Variants in AARS1 observed in about 807,000 individuals in gnomAD.
AARS1 encodes the protein alanine--tRNA ligase, cytoplasmic.
Under a neutral mutation model 108.9 loss-of-function variants are expected in AARS1, and 72 were observed. The observed-to-expected ratio is 0.66, with a 90% CI of 0.55 to 0.80. The LOEUF is 0.80. Among genes scored for constraint, AARS1 ranks in the 30% least tolerant of loss-of-function variants. The pLI is 0.00. For synonymous variants in AARS1, 489 were observed against 465.7 expected (o/e 1.05, Z -0.64); for missense variants, 1,193 against 1,233.2 (o/e 0.97, Z 0.49).
chr16:70,252,865 C>T lies in AARS1; in HGVS notation c.2763G>A (p.Gln921=). 1 of 1,614,144 alleles carries T rather than the reference C, an allele frequency of 6.2e-7. No individual in the cohort carries two copies. The highest frequency in any genetic ancestry group is 8.5e-7 in the Non-Finnish European group (1 of 1,179,970). ...NRGLKASEWV[Q]QVSGLMDGKG... ...TACCGTCCATCAAGCCTGACACCTG[C>T]TGCACCCACTCGCTGGCTTTTAAGC... Residue 921 remains glutamine (Q), a synonymous_variant, in exon 21 of 21, where the codon CAG becomes CAA. Coordinates refer to ENST00000261772, the MANE Select transcript of AARS1 (RefSeq NM_001605.3).
chr16:70,282,332 A>G (rs975782582), intron 2 of AARS1, among the ~76,000 whole-genome samples: 2 of 1,592 alleles, frequency 1.3e-3, no homozygotes, highest in African/African-American at 5.5e-3. Context: ...CCGTCTCAGG[A>G]AAAAAAAAAA....
chr16:70,255,622 A>T, intron 16 of AARS1, 106 bp downstream of exon 16: 2 of 1,044,498 alleles, frequency 1.9e-6, no homozygotes, highest in Non-Finnish European at 2.9e-6. Context: ...CTGTACTTTC[A>T]CTCTGACTGC....
intron 1 of AARS1, among the ~76,000 whole-genome samples, chr16:70,284,410 G>A (rs1368432886): frequency 6.6e-6 from 1 of 150,882 alleles, no homozygotes; most frequent in Non-Finnish European, 1.5e-5. Flanking sequence ...AGACTATCTT[G>A]GCTAACATGG....
chr16:70,260,958 G>C (rs368403429), intron 13 of AARS1, 86 bp downstream of exon 13: 137 of 1,088,272 alleles, frequency 1.3e-4, no homozygotes, highest in Non-Finnish European at 1.7e-4. Flanking sequence ...CACCACACCC[G>C]GCCCAACAGT....
intron 12 of AARS1, among the ~76,000 whole-genome samples, chr16:70,261,855 G>A (rs1555540407): frequency 6.6e-6 from 1 of 151,804 alleles, no homozygotes; most frequent in Non-Finnish European, 1.5e-5. Flanking sequence ...TGTCAGTAGA[G>A]ACAGGGTTTC....
chr16:70,258,670 A>G (rs1029778816), intron 14 of AARS1, among the ~76,000 whole-genome samples: 19 of 151,844 alleles, frequency 1.3e-4, no homozygotes, highest in African/African-American at 4.6e-4. Flanking sequence ...GGTTCACACC[A>G]TTCTCCTGCC....
At chr16:70,282,543 C>A (rs905911982) in intron 2 of AARS1, 77 bp downstream of exon 2, 2 of 1,571,908 alleles carry the variant, frequency 1.3e-6, no homozygotes, top group Non-Finnish European at 1.7e-6. Context: ...TCGGTCTGAC[C>A]CCAGGGCTGT....
rs369135192 is a variant in AARS1 at position 70,267,659 on chromosome 16, C to G, written c.1222G>C (p.Gly408Arg). The change falls in exon 9 of 21, where the codon GGA (glycine) becomes CGA (arginine). Residue 408 changes from glycine to arginine, a missense_variant and splice_region_variant. By Grantham distance (125) the Gly-to-Arg change is moderately radical. Transcript: ENST00000261772. ...GAGAAGGGCAAAAACTGGTACCTAC[C>G]GGGAATGGTCTTGCTGTCTCCCAGG... is the stretch of plus-strand genomic sequence containing the variant. ...QSLGDSKTIP[G>R]DTAWLLYDTY... 9 of 1,613,988 alleles carry G rather than the reference C, an allele frequency of 5.6e-6. No homozygotes were observed. The highest frequency in any genetic ancestry group is 1.7e-5 in the Admixed American group (1 of 59,978).
At position 70,253,803 on chromosome 16, in the gene AARS1, G is replaced by A. The variant is rs200586605; in HGVS notation, c.2521-3C>T. 2,821 of 1,614,154 alleles carry A rather than the reference G, an allele frequency of 1.7e-3. 4 individuals carry two copies. The highest frequency in any genetic ancestry group is 2.6e-3 in the Middle Eastern group (16 of 6,062). On this transcript the variant is annotated splice_region_variant and splice_polypyrimidine_tract_variant and intron_variant, in intron 18 of 20. Coordinates refer to ENST00000261772, the MANE Select transcript of AARS1 (RefSeq NM_001605.3). The stretch of plus-strand genomic sequence containing the variant: ...AACTGCTTCGTCTTCTCTAACACCT[G>A]CAAGAAAAAAGTCCAGAACAGCAGC...
At chr16:70,281,105 C>G (rs1960686001) in intron 2 of AARS1, among the ~76,000 whole-genome samples, 1 of 152,202 alleles carries the variant, frequency 6.6e-6, no homozygotes, top group Non-Finnish European at 1.5e-5. Flanking sequence ...GTTGGGATTA[C>G]AAGTGTGAGC....
chr16:70,268,210 C>T, intron 8 of AARS1, 61 bp downstream of exon 8: 4 of 1,468,056 alleles, frequency 2.7e-6, no homozygotes, highest in South Asian at 1.1e-5. Context: ...TGCCCTCTCC[C>T]ACTCCATCCC....
Position 70,271,782 on chromosome 16 carries a change from T to C in AARS1, c.670A>G (p.Arg224Gly). The change falls in exon 5 of 21, where the codon AGG becomes GGG. Residue 224 changes from arginine to glycine, a missense_variant and splice_region_variant. Arg to Gly is a moderately radical substitution (Grantham distance 125). Coordinates refer to ENST00000261772, the MANE Select transcript of AARS1 (RefSeq NM_001605.3). ...IWNLVFIQYN[R>G]EADGILKPLP... ...AATGGAGTAGGAACCCAAGGCTACCTGTTATACTGGATGAACACAAGGTTC... is the reference window on the plus strand; with the variant it reads ...AATGGAGTAGGAACCCAAGGCTACCCGTTATACTGGATGAACACAAGGTTC... 1 of 1,613,900 alleles carries C rather than the reference T, an allele frequency of 6.2e-7. No individual in the cohort carries two copies. The highest frequency in any genetic ancestry group is 8.5e-7 in the Non-Finnish European group (1 of 1,179,836).
chr16:70,281,538 C>A (rs977166339), intron 2 of AARS1, among the ~76,000 whole-genome samples: 2 of 152,046 alleles, frequency 1.3e-5, no homozygotes, highest in Non-Finnish European at 2.9e-5. Flanking sequence ...TGGTGGCGCA[C>A]GCTTGTAGTT....
Position 70,276,965 on chromosome 16 carries a change from C to A in AARS1, c.333+1G>T. 1.2e-6 allele frequency: 2 copies of A among 1,614,138 alleles called. No homozygotes were observed. The highest frequency in any genetic ancestry group is 1.7e-6 in the Non-Finnish European group (2 of 1,180,020). On this transcript the variant is annotated splice_donor_variant, in intron 3 of 20. Transcript: ENST00000261772. LOFTEE classifies it high-confidence loss of function. ...TAGTGGTTCTTCTGCTCTGAACTTA[C>A]CTTAAAGTAATCTCCAAAAGACCAA...
In AARS1 at chr16:70,269,769, G is replaced by A; in HGVS notation, c.817-6C>T. The A allele has an allele frequency of 6.2e-7, 1 of 1,614,080 alleles. No homozygotes were observed. Among genetic ancestry groups the A allele is most frequent in the Non-Finnish European group, 8.5e-7 (1 of 1,180,014 alleles). ...TATGGTCGGGCACCTGTGCCCTATA[G>A]ATAAGAATCAGGAGGCAGCCCTTTA... On this transcript the variant is annotated splice_polypyrimidine_tract_variant and splice_region_variant and intron_variant, in intron 6 of 20. Transcript: ENST00000261772.
chr16:70,262,489 G>A lies in AARS1; in HGVS notation c.1528C>T (p.Arg510Cys), dbSNP rs369797061. The A allele has an allele frequency of 2.7e-5, 44 of 1,613,896 alleles. No individual in the cohort carries two copies. Among genetic ancestry groups the A allele is most frequent in the East Asian group, 6.7e-5 (3 of 44,892 alleles). ...TCTTCCACGAACATCTTCTCCCTGCGCAGAGCCATCACCGTAGCCACTGTG... is the reference window on the plus strand; with the variant it reads ...TCTTCCACGAACATCTTCTCCCTGCACAGAGCCATCACCGTAGCCACTGTG... ...ENTVATVMAL[R>C]REKMFVEEVS... The change falls in exon 12 of 21, where the codon CGC becomes TGC. Residue 510 changes from arginine (R) to cysteine (C), a missense_variant. Physicochemically the swap from Arg to Cys is radical, Grantham distance 180. Transcript: ENST00000261772.
chr16:70,265,071 T>A lies in AARS1; in HGVS notation c.1379A>T (p.Glu460Val). The change falls in exon 11 of 21, where the codon GAA (glutamate) becomes GTA (valine). Residue 460 changes from glutamate to valine, a missense_variant. Coordinates refer to ENST00000261772, the MANE Select transcript of AARS1 (RefSeq NM_001605.3). ...GTAAATGTCCAGCATAATGAGGTCT[T>A]CCCCACCAGCTCCCTTGCCCTGTGA... The part of the protein sequence containing the change: ...LKSQGKGAGG[E>V]DLIMLDIYAI... 9 of 1,614,034 alleles carry A rather than the reference T, an allele frequency of 5.6e-6. No homozygotes were observed. Among genetic ancestry groups the A allele is most frequent in the Non-Finnish European group, 7.6e-6 (9 of 1,180,002 alleles).
At chr16:70,254,842 C>T in intron 16 of AARS1, 108 bp from the exon 17 acceptor site, 1 of 723,448 alleles carries the variant, frequency 1.4e-6, no homozygotes, top group Admixed American at 2.0e-5. Flanking sequence ...CAGCAACATA[C>T]CCCAACACCC....
intron 5 of AARS1, among the ~76,000 whole-genome samples, chr16:70,270,925 A>C (rs981536866): frequency 3.5e-5 from 5 of 144,776 alleles, no homozygotes; most frequent in African/African-American, 7.7e-5. Context: ...GAGGCGGGGG[A>C]ATCACTTGAG....
Sources: allele counts gnomAD v4.1 joint callset (sites outside exome capture counted in the v4.1 genomes callset), GRCh38; gene constraint gnomAD v4.1.1; transcripts MANE v1.5; gene names NCBI Gene and HGNC (gene_info 2026-07-23, HGNC 2026-07-21).